The following MICU1 variants were observed in gnomAD, a reference collection of about 807,000 sequenced individuals.
The protein encoded by MICU1 is calcium uptake protein 1, mitochondrial.
In MICU1, 45 loss-of-function variants were observed where a neutral mutation model predicts 56.8. The ratio of observed to expected loss-of-function variants is 0.79; its 90% CI spans 0.62 to 1.02. The LOEUF (loss-of-function observed/expected upper bound fraction) is 1.02. MICU1 is among the 50% of genes least tolerant of loss of function. MICU1 has a pLI of 0.00. For synonymous variants in MICU1, 186 were observed against 195.1 expected (o/e 0.95, Z 0.39); for missense variants, 504 against 587.1 (o/e 0.86, Z 1.46).
chr10:72,478,646 T>C (rs553205720), intron 6 of MICU1, among the ~76,000 whole-genome samples: 23 of 152,382 alleles, frequency 1.5e-4, no homozygotes, highest in Admixed American at 1.3e-3. Flanking sequence ...ATCCTGCTCA[T>C]GAATTTGTCA....
At chr10:72,405,200 T>G (rs1224000782) in intron 10 of MICU1, among the ~76,000 whole-genome samples, 1 of 152,098 alleles carries the variant, frequency 6.6e-6, no homozygotes, top group Non-Finnish European at 1.5e-5. Context: ...TGAGCCACCA[T>G]GCCTGGCCTA....
intron 9 of MICU1, among the ~76,000 whole-genome samples, chr10:72,411,551 T>C (rs922905791): frequency 6.6e-6 from 1 of 152,086 alleles, no homozygotes; most frequent in Admixed American, 6.6e-5. Context: ...CAGGATGGTC[T>C]CGATCTCCTG....
chr10:72,588,122 C>T, intron 1 of MICU1, among the ~76,000 whole-genome samples: 1 of 152,286 alleles, frequency 6.6e-6, no homozygotes, highest in East Asian at 1.9e-4. Flanking sequence ...AGTGAGTTCT[C>T]ATGAGATCTG....
In MICU1 at chr10:72,491,625, G is replaced by A. The variant is rs531212595; in HGVS notation, c.653-14369C>T. 2.6e-5 allele frequency among the ~76,000 whole-genome samples: 4 copies of A among 152,270 alleles called. No homozygotes were observed. The South Asian group carries it at 8.3e-4, about 32-fold the overall frequency. ...GCACTTTGGGATGCTGATGCAGGTG[G>A]ATCACTTCAGGCCCGGAGTTCGAGA... is the stretch of plus-strand genomic sequence containing the variant. On this transcript the variant is annotated intron_variant, in intron 6 of 11. Coordinates refer to ENST00000361114, the MANE Select transcript of MICU1 (RefSeq NM_001195518.2).
intron 1 of MICU1, among the ~76,000 whole-genome samples, chr10:72,572,372 A>C (rs1336338307): frequency 6.6e-6 from 1 of 152,148 alleles, no homozygotes; most frequent in African/African-American, 2.4e-5. Flanking sequence ...AGTTTTACCA[A>C]CTCAGACCCA....
intron 3 of MICU1, among the ~76,000 whole-genome samples, chr10:72,558,532 C>T (rs1203096568): frequency 6.6e-6 from 1 of 152,054 alleles, no homozygotes; most frequent in Non-Finnish European, 1.5e-5. Context: ...CTTCTCTTGA[C>T]CATGAAAGGA....
intron 9 of MICU1, among the ~76,000 whole-genome samples, chr10:72,422,497 G>A (rs1336469431): frequency 6.6e-6 from 1 of 152,186 alleles, no homozygotes; most frequent in South Asian, 2.1e-4. Context: ...TCCTTTCTCT[G>A]CTTCTGTACT....
At chr10:72,417,453 CAAA>C (rs869171199) in intron 9 of MICU1, among the ~76,000 whole-genome samples, 6 of 66,442 alleles carry the variant, frequency 9.0e-5, no homozygotes, top group Admixed American at 4.8e-4. Flanking sequence ...GACTCCGTCT[CAAA>C]AAAAAAAAAA....
intron 8 of MICU1, among the ~76,000 whole-genome samples, chr10:72,457,061 C>A (rs764732876): frequency 6.6e-6 from 1 of 151,488 alleles, no homozygotes; most frequent in Non-Finnish European, 1.5e-5. Flanking sequence ...TGGGCCCAAG[C>A]GATCCTTCTG....
At chr10:72,562,304 C>A (rs1392809763) in intron 3 of MICU1, among the ~76,000 whole-genome samples, 1 of 151,904 alleles carries the variant, frequency 6.6e-6, no homozygotes, top group East Asian at 1.9e-4. Flanking sequence ...CAGGTGCATG[C>A]CACCATGCCA....
chr10:72,506,055 T>G (rs576720300), intron 6 of MICU1, among the ~76,000 whole-genome samples: 15 of 151,848 alleles, frequency 9.9e-5, no homozygotes, highest in Middle Eastern at 6.9e-3. Flanking sequence ...GATTCTATTT[T>G]CTTCATTCCT....
intron 8 of MICU1, among the ~76,000 whole-genome samples, chr10:72,474,484 C>T (rs1270983919): frequency 6.6e-6 from 1 of 151,818 alleles, no homozygotes; most frequent in Non-Finnish European, 1.5e-5. Context: ...CTTGTAAATC[C>T]CCAAACACAG....
intron 8 of MICU1, among the ~76,000 whole-genome samples, chr10:72,462,961 T>A (rs1280153965): frequency 6.6e-6 from 1 of 152,212 alleles, no homozygotes; most frequent in Non-Finnish European, 1.5e-5. Context: ...AGGAAAATCC[T>A]GGGGATTGAC....
intron 10 of MICU1, among the ~76,000 whole-genome samples, chr10:72,402,537 A>C (rs1863488328): frequency 6.6e-6 from 1 of 152,142 alleles, no homozygotes; most frequent in Non-Finnish European, 1.5e-5. Flanking sequence ...CCGTCTTCAA[A>C]CTTGGCCCAA....
intron 10 of MICU1, among the ~76,000 whole-genome samples, chr10:72,381,951 T>C: frequency 7.7e-6 from 1 of 129,716 alleles, no homozygotes; most frequent in East Asian, 2.3e-4. Context: ...AGACTGTGTA[T>C]ATATATATCT....
intron 4 of MICU1, among the ~76,000 whole-genome samples, chr10:72,537,251 G>A (rs529814561): frequency 3.7e-4 from 56 of 152,272 alleles, no homozygotes; most frequent in Non-Finnish European, 6.6e-4. Flanking sequence ...GATTAGATCA[G>A]TTCTTAAAAT....
intron 6 of MICU1, among the ~76,000 whole-genome samples, chr10:72,482,658 T>C (rs886903854): frequency 6.6e-6 from 1 of 151,952 alleles, no homozygotes; most frequent in Non-Finnish European, 1.5e-5. Context: ...TTTAATCTTC[T>C]AGAGAAATAA....
intron 10 of MICU1, among the ~76,000 whole-genome samples, chr10:72,398,298 G>A (rs956830388): frequency 2.6e-5 from 4 of 152,176 alleles, no homozygotes; most frequent in Non-Finnish European, 5.9e-5. Flanking sequence ...GCAGTGTATA[G>A]AGGGAAATTT....
intron 7 of MICU1, among the ~76,000 whole-genome samples, chr10:72,476,555 T>C (rs182717425): frequency 1.6e-3 from 241 of 152,288 alleles, no homozygotes; most frequent in South Asian, 4.8e-3. Context: ...ATAATGTACC[T>C]GATACTTTCT....
Sources: gnomAD v4.1 joint callset for allele counts (sites outside exome capture counted in the v4.1 genomes callset) on GRCh38, gnomAD v4.1.1 for gene constraint, MANE v1.5 for transcripts, NCBI Gene and HGNC (gene_info 2026-07-23, HGNC 2026-07-21) for gene names.